The following CYP19A1 variants were observed in gnomAD, a reference collection of about 807,000 sequenced individuals.
CYP19A1 encodes the protein aromatase.
CYP19A1 carries 32 observed loss-of-function variants against 44.4 expected under a neutral mutation model. The observed-to-expected ratio is 0.72, with a 90% CI of 0.54 to 0.97. CYP19A1 has a LOEUF of 0.97. Ranked by LOEUF, CYP19A1 falls within the 50% of genes least tolerant of loss-of-function variation. The probability of loss-of-function intolerance (pLI) is 0.00; values close to 1 mark genes in which losing one functional copy is unlikely to be tolerated. For synonymous variants in CYP19A1, 212 were observed against 215.6 expected, an observed-to-expected ratio of 0.98 and a Z score of 0.14; for missense variants, 598 against 637.8, an observed-to-expected ratio of 0.94 and a Z score of 0.67.
chr15:51,222,905 TGATTTG>T (rs1287851973), intron 4 of CYP19A1, among the ~76,000 whole-genome samples: 1 of 152,118 alleles, frequency 6.6e-6, no homozygotes, highest in African/African-American at 2.4e-5. Flanking sequence ...CCTCCAAAGA[TGATTTG>T]GATTTGCCTA....
Position 51,228,922 on chromosome 15 carries a change from G to GT in CYP19A1, c.297-990dup, listed in dbSNP as rs28757179. ...AAATAACCCTCAAAGATTGCAAGTGGTTACTATAATATCTGCAATTGGTTC... is the reference window on the plus strand; with the variant it reads ...AAATAACCCTCAAAGATTGCAAGTGGTTTACTATAATATCTGCAATTGGTTC... On this transcript the variant is annotated intron_variant, in intron 3 of 9. Coordinates refer to ENST00000396402, the MANE Select transcript of CYP19A1 (RefSeq NM_000103.4). 1.9e-3 allele frequency among the ~76,000 whole-genome samples: 286 copies of GT among 152,210 alleles called. 1 individual carries two copies. Among genetic ancestry groups the GT allele is most frequent in the African/African-American group, 6.7e-3 (278 of 41,518 alleles).
chr15:51,246,220 G>A (rs892071159), intron 1 of CYP19A1, among the ~76,000 whole-genome samples: 5 of 151,676 alleles, frequency 3.3e-5, no homozygotes, highest in African/African-American at 1.2e-4. Flanking sequence ...CTTGCACAGA[G>A]GTTGTTTACA....
At chr15:51,271,421 T>C (rs979432572) in intron 1 of CYP19A1, among the ~76,000 whole-genome samples, 12 of 152,236 alleles carry the variant, frequency 7.9e-5, no homozygotes, top group African/African-American at 2.7e-4. Flanking sequence ...TTCCCCTGTC[T>C]TCCTGTACTC....
intron 1 of CYP19A1, among the ~76,000 whole-genome samples, chr15:51,286,420 TTGTC>T (rs1351893376): frequency 1.3e-5 from 2 of 152,226 alleles, no homozygotes; most frequent in Non-Finnish European, 2.9e-5. Context: ...AGGCACTTGT[TTGTC>T]TGTTTCGTTT....
chr15:51,291,534 A>T (rs1217873410), intron 1 of CYP19A1, among the ~76,000 whole-genome samples: 2 of 152,350 alleles, frequency 1.3e-5, no homozygotes, highest in East Asian at 3.9e-4. Flanking sequence ...CACACAGAAA[A>T]GTGTACAACT....
chr15:51,246,786 G>T (rs1259930622), intron 1 of CYP19A1, among the ~76,000 whole-genome samples: 1 of 152,130 alleles, frequency 6.6e-6, no homozygotes, highest in Admixed American at 6.5e-5. Flanking sequence ...TTTAGCGTGG[G>T]GGCTACTGGC....
intron 1 of CYP19A1, among the ~76,000 whole-genome samples, chr15:51,270,834 T>C (rs1326956092): frequency 1.3e-5 from 2 of 152,182 alleles, no homozygotes; most frequent in African/African-American, 4.8e-5. Flanking sequence ...GGGTTTCTGC[T>C]GAGGCCCAAG....
intron 1 of CYP19A1, among the ~76,000 whole-genome samples, chr15:51,300,490 G>A (rs2036090172): frequency 1.3e-5 from 2 of 152,164 alleles, no homozygotes; most frequent in Non-Finnish European, 2.9e-5. Context: ...GTCACCTATA[G>A]GAGAATTGAG....
At position 51,241,710 on chromosome 15, in the gene CYP19A1, G is replaced by A. The variant is rs145713532; in HGVS notation, c.145+1058C>T. On this transcript the variant is annotated intron_variant, in intron 2 of 9. Coordinates refer to ENST00000396402, the MANE Select transcript of CYP19A1 (RefSeq NM_000103.4). The stretch of plus-strand genomic sequence containing the variant: ...CTCTGAGCCTCCCTTCTCTAGAGTT[G>A]ACCCTGTCAGGGAGCAGAGAACAAA... 5.7e-3 allele frequency among the ~76,000 whole-genome samples: 862 copies of A among 152,286 alleles called. 5 individuals are homozygous for A. The highest frequency in any genetic ancestry group is 0.015 in the Admixed American group (222 of 15,302).
Position 51,212,492 on chromosome 15 carries a change from A to G in CYP19A1, c.1091T>C (p.Met364Thr), listed in dbSNP as rs56658716. The change falls in exon 9 of 10, where the codon ATG becomes ACG. Residue 364 changes from methionine (M) to threonine (T), a missense_variant. Transcript: ENST00000396402. ...KVMENFIYES[M>T]RYQPVVDLVM... ...CAAGTCCACGACAGGCTGGTACCGC[A>G]TGCTCTCATAAATGAAGTTTTCCAT... 6 of 1,592,572 alleles carry G rather than the reference A, an allele frequency of 3.8e-6. No homozygotes were observed. In the East Asian group the frequency reaches 1.1e-4, roughly 30 times the overall value.
chr15:51,319,733 C>A (rs1189333670), intron 1 of CYP19A1, among the ~76,000 whole-genome samples: 2 of 152,284 alleles, frequency 1.3e-5, no homozygotes, highest in Middle Eastern at 3.4e-3. Context: ...GGCCTTTGAA[C>A]CCTATGTAGC....
intron 1 of CYP19A1, among the ~76,000 whole-genome samples, chr15:51,292,319 C>T (rs960520659): frequency 1.3e-5 from 2 of 152,180 alleles, no homozygotes; most frequent in Non-Finnish European, 1.5e-5. Flanking sequence ...AGCCCCAACT[C>T]CTTGCTGGTA....
chr15:51,244,341 A>G (rs772487315), intron 1 of CYP19A1, among the ~76,000 whole-genome samples: 2 of 152,212 alleles, frequency 1.3e-5, no homozygotes, highest in Non-Finnish European at 2.9e-5. Context: ...TCATCATTTT[A>G]TGTTATTCTA....
intron 4 of CYP19A1, among the ~76,000 whole-genome samples, chr15:51,222,992 T>C (rs1359321032): frequency 1.3e-5 from 2 of 152,196 alleles, no homozygotes; most frequent in Admixed American, 6.5e-5. Context: ...TGGATCCTAT[T>C]TGATCTAAGG....
Position 51,304,890 on chromosome 15 carries a change from C to CTTTTTTTT in CYP19A1, c.-39+33597_-39+33604dup, listed in dbSNP as rs545247348. On this transcript the variant is annotated intron_variant, in intron 1 of 9. Transcript: ENST00000396402. ...ATCCCTCAGGTAATTGTGTCTCTTC[C>CTTTTTTTT]TTTTTTTTTTTTTTTTTTTTTTTTT... 2.0e-3 allele frequency among the ~76,000 whole-genome samples: 209 copies of CTTTTTTTT among 104,560 alleles called. 39 individuals carry two copies. The highest frequency in any genetic ancestry group is 8.7e-3 in the African/African-American group (182 of 20,862). 68.6% of individuals were successfully genotyped at this position (104,560 alleles called of 152,430 possible). A position where few individuals can be genotyped will look rare whatever the true frequency, so the allele number is the denominator to read the frequency against.
chr15:51,252,646 G>T (rs913453279), intron 1 of CYP19A1, among the ~76,000 whole-genome samples: 2 of 152,192 alleles, frequency 1.3e-5, no homozygotes, highest in African/African-American at 4.8e-5. Flanking sequence ...GCCCTGAAGA[G>T]GGCATCAAGG....
intron 1 of CYP19A1, among the ~76,000 whole-genome samples, chr15:51,261,014 C>T: frequency 6.6e-6 from 1 of 152,186 alleles, no homozygotes; most frequent in Non-Finnish European, 1.5e-5. Context: ...CATTGACTCC[C>T]ACCTCTCCGG....
At chr15:51,328,716 TCAAA>T (rs1252424213) in intron 1 of CYP19A1, among the ~76,000 whole-genome samples, 1 of 152,180 alleles carries the variant, frequency 6.6e-6, no homozygotes, top group Non-Finnish European at 1.5e-5. Flanking sequence ...AGATATTTGG[TCAAA>T]CATTTTTCTG....
At chr15:51,323,806 C>G (rs992772073) in intron 1 of CYP19A1, 3 of 152,214 alleles carry the variant, frequency 2.0e-5, no homozygotes, top group Non-Finnish European at 4.4e-5. Flanking sequence ...CTCCCCACCT[C>G]CCAACTCACC....
Sources: allele counts gnomAD v4.1 joint callset (sites outside exome capture counted in the v4.1 genomes callset), GRCh38; gene constraint gnomAD v4.1.1; transcripts MANE v1.5; gene names NCBI Gene and HGNC (gene_info 2026-07-23, HGNC 2026-07-21).